DIP2B: variants seen among roughly 807,000 people sequenced by gnomAD.
DIP2B encodes disco-interacting protein 2 homolog B.
DIP2B carries 76 observed loss-of-function variants against 198.0 expected under a neutral mutation model. The observed-to-expected ratio is 0.38, with a 90% CI of 0.32 to 0.46. The LOEUF (loss-of-function observed/expected upper bound fraction) is 0.46. Ranked by LOEUF, DIP2B falls within the 20% of genes least tolerant of loss-of-function variation. The pLI, the probability that DIP2B is intolerant of heterozygous loss-of-function variation, is 0.99. For missense variants in DIP2B, 1,559 were observed against 1,978.4 expected (o/e 0.79, Z 4.02); for synonymous variants, 701 against 739.1 (o/e 0.95, Z 0.84).
At chr12:50,650,573 G>A (rs1381239429) in intron 3 of DIP2B, among the ~76,000 whole-genome samples, 2 of 152,122 alleles carry the variant, frequency 1.3e-5, no homozygotes, top group African/African-American at 2.4e-5. Context: ...GTCTTTTTGT[G>A]ATTGGCTTAT....
intron 3 of DIP2B, among the ~76,000 whole-genome samples, chr12:50,652,528 T>C (rs1325427519): frequency 2.0e-5 from 3 of 151,820 alleles, no homozygotes; most frequent in Non-Finnish European, 4.4e-5. Flanking sequence ...AGACTGAGAC[T>C]CCATTTCAAA....
intron 6 of DIP2B, among the ~76,000 whole-genome samples, chr12:50,675,008 CA>C (rs1273827692): frequency 6.6e-6 from 1 of 152,114 alleles, no homozygotes; most frequent in African/African-American, 2.4e-5. Context: ...ACTAAAAATA[CA>C]AAAAATTAGG....
chr12:50,664,711 C>G (rs1311792560), intron 4 of DIP2B, among the ~76,000 whole-genome samples: 1 of 151,960 alleles, frequency 6.6e-6, no homozygotes, highest in Admixed American at 6.6e-5. Flanking sequence ...GACCCTAAAG[C>G]ACAGTAAGCT....
chr12:50,563,871 A>G (rs1482652794), intron 1 of DIP2B, among the ~76,000 whole-genome samples: 2 of 144,876 alleles, frequency 1.4e-5, no homozygotes, highest in African/African-American at 2.5e-5. Context: ...TTTTAGCAGG[A>G]TATTTGCTGG....
At chr12:50,575,391 G>GTT (rs55820615) in intron 1 of DIP2B, among the ~76,000 whole-genome samples, 2,574 of 150,446 alleles carry the variant, frequency 0.017, 26 homozygotes, top group Non-Finnish European at 0.025. Context: ...GTTTTGTTTT[G>GTT]TTTTTTTTTG....
At chr12:50,639,153 G>C (rs191307255) in intron 2 of DIP2B, among the ~76,000 whole-genome samples, 145 of 148,594 alleles carry the variant, frequency 9.8e-4, no homozygotes, top group African/African-American at 3.4e-3. Flanking sequence ...GCAGTGGCAC[G>C]ATCTTGGCTC....
intron 4 of DIP2B, among the ~76,000 whole-genome samples, chr12:50,670,045 G>C (rs751595064): frequency 6.6e-6 from 1 of 152,028 alleles, no homozygotes; most frequent in Admixed American, 6.5e-5. Flanking sequence ...CTTTAACTGC[G>C]TGCTTCATAA....
rs1321889922 is a variant in DIP2B at position 50,748,490 on chromosome 12, C to T, written c.*3651C>T. ...GTTTACTTTCTGTCAAGATATTTAC[C>T]CGTGTCAAATTCAAACTACAGTACT... is the stretch of plus-strand genomic sequence containing the variant. On this transcript the variant is annotated 3_prime_UTR_variant, in exon 38 of 38. Coordinates refer to ENST00000301180, the MANE Select transcript of DIP2B (RefSeq NM_173602.3). The T allele has an allele frequency of 3.9e-5, 6 of 152,518 alleles. No individual in the cohort carries two copies. The highest frequency in any genetic ancestry group is 1.4e-4 in the African/African-American group (6 of 41,396). The allele number at this position is 152,518 out of a possible 1,614,324, so 9.4% of individuals were successfully genotyped here. A position where few individuals can be genotyped will look rare whatever the true frequency, so the allele number is the denominator to read the frequency against.
chr12:50,705,248 G>T (rs1939493726), intron 20 of DIP2B, among the ~76,000 whole-genome samples: 1 of 152,182 alleles, frequency 6.6e-6, no homozygotes, highest in African/African-American at 2.4e-5. Context: ...TCATATAAGA[G>T]ATCTAATTTT....
chr12:50,522,197 T>C (rs2139353643), intron 1 of DIP2B, among the ~76,000 whole-genome samples: 1 of 151,794 alleles, frequency 6.6e-6, no homozygotes, highest in Non-Finnish European at 1.5e-5. Context: ...GACGGGGTTT[T>C]ACCATATTGA....
In DIP2B at chr12:50,694,935, C is replaced by T. The variant is rs185485515; in HGVS notation, c.1720-332C>T. ...CAATTTAAATGAAAAAAACAAGTTA[C>T]AGATATATGTATAATATGATGTCTT... On this transcript the variant is annotated intron_variant, in intron 14 of 37. Transcript: ENST00000301180. Among the ~76,000 whole-genome samples, 71 of 152,082 alleles carry T rather than the reference C, an allele frequency of 4.7e-4. 1 individual carries two copies. The highest frequency in any genetic ancestry group is 3.0e-3 in the Admixed American group (46 of 15,262).
intron 1 of DIP2B, among the ~76,000 whole-genome samples, chr12:50,506,623 T>C (rs1317774038): frequency 6.6e-6 from 1 of 152,150 alleles, no homozygotes; most frequent in African/African-American, 2.4e-5. Context: ...GAATCACTGG[T>C]ATTAGATTAG....
At chr12:50,549,244 G>A (rs1004421552) in intron 1 of DIP2B, among the ~76,000 whole-genome samples, 28 of 151,668 alleles carry the variant, frequency 1.8e-4, no homozygotes, top group Non-Finnish European at 5.9e-5. Context: ...CGAGGTGGGT[G>A]GATCACAAGG....
At chr12:50,660,913 C>T (rs1938634888) in intron 4 of DIP2B, among the ~76,000 whole-genome samples, 1 of 152,114 alleles carries the variant, frequency 6.6e-6, no homozygotes, top group African/African-American at 2.4e-5. Flanking sequence ...ATAACGGGGT[C>T]ATGAGATCAG....
chr12:50,730,760 T>A (rs1940028474), intron 30 of DIP2B, among the ~76,000 whole-genome samples: 1 of 152,208 alleles, frequency 6.6e-6, no homozygotes, highest in South Asian at 2.1e-4. Flanking sequence ...GTTGTTCCTC[T>A]GCTTAGAACA....
Position 50,695,320 on chromosome 12 carries a change from C to T in DIP2B, c.1773C>T (p.Thr591=), listed in dbSNP as rs1428090018. 1 of 1,614,036 alleles carries T rather than the reference C, an allele frequency of 6.2e-7. No homozygotes were observed. The highest frequency in any genetic ancestry group is 1.7e-5 in the Admixed American group (1 of 59,998). The part of the protein sequence containing the change: ...TISVPYSVMK[T]CPLSWVQRVH... ...GCGTACCCTACTCTGTTATGAAAAC[C>T]TGTCCTCTCTCTTGGGTCCAAAGAG... Residue 591 remains threonine (T), a synonymous_variant, in exon 15 of 38, where the codon ACC becomes ACT. Transcript: ENST00000301180.
chr12:50,621,969 C>CCAAAT (rs1221036653), intron 1 of DIP2B, among the ~76,000 whole-genome samples: 3 of 152,138 alleles, frequency 2.0e-5, no homozygotes, highest in African/African-American at 7.2e-5. Context: ...ATCCAGGATG[C>CCAAAT]CAAATCTAAC....
chr12:50,703,176 T>C (rs1939452572), intron 19 of DIP2B, among the ~76,000 whole-genome samples: 1 of 150,776 alleles, frequency 6.6e-6, no homozygotes, highest in African/African-American at 2.4e-5. Context: ...TGAATTATGA[T>C]TGCACCATTG....
chr12:50,680,660 C>CT lies in DIP2B; in HGVS notation c.1115-5dup. 3 of 1,590,156 alleles carry CT rather than the reference C, an allele frequency of 1.9e-6. No homozygotes were observed. Among genetic ancestry groups the CT allele is most frequent in the South Asian group, 1.2e-5 (1 of 86,398 alleles). The stretch of plus-strand genomic sequence containing the variant: ...TCTATATGACTGTTGTTTTTTTTTC[C>CT]TTTTTTTCCAGGAAAGTTGTGGAGC... On this transcript the variant is annotated splice_polypyrimidine_tract_variant and intron_variant, in intron 8 of 37. Transcript: ENST00000301180.
Sources: gnomAD v4.1 joint callset for allele counts (sites outside exome capture counted in the v4.1 genomes callset) on GRCh38, gnomAD v4.1.1 for gene constraint, MANE v1.5 for transcripts, NCBI Gene and HGNC (gene_info 2026-07-23, HGNC 2026-07-21) for gene names.